EIF4G3: variants seen among roughly 807,000 people sequenced by gnomAD.
The protein encoded by EIF4G3 is eIF-4-gamma 3.
In EIF4G3, 34 loss-of-function variants were observed where a neutral mutation model predicts 186.4. The observed-to-expected ratio is 0.18, with a 90% confidence interval of 0.14 to 0.24. The LOEUF is 0.24. EIF4G3 is among the 10% of genes least tolerant of loss of function. The probability of loss-of-function intolerance (pLI) is 1.00; values close to 1 mark genes in which losing one functional copy is unlikely to be tolerated. For synonymous variants in EIF4G3, 673 were observed against 679.5 expected (o/e 0.99, Z 0.15); for missense variants, 1,536 against 1,948.5 (o/e 0.79, Z 3.99).
chr1:21,091,139 T>C (rs1194821110), intron 2 of EIF4G3, among the ~76,000 whole-genome samples: 1 of 152,106 alleles, frequency 6.6e-6, no homozygotes, highest in Non-Finnish European at 1.5e-5. Context: ...GCTATAGTCT[T>C]CTTTTTTTAA....
chr1:20,861,345 T>C (rs141627252), intron 23 of EIF4G3, among the ~76,000 whole-genome samples: 9 of 151,602 alleles, frequency 5.9e-5, no homozygotes, highest in South Asian at 2.1e-4. Flanking sequence ...CAGAGAAAAG[T>C]AGTAGTAACA....
chr1:21,098,970 T>G (rs940344779), intron 2 of EIF4G3, among the ~76,000 whole-genome samples: 2 of 152,154 alleles, frequency 1.3e-5, no homozygotes, highest in Non-Finnish European at 2.9e-5. Context: ...GAATGACACC[T>G]AATCAAAGAA....
At chr1:20,980,881 A>G (rs547856811) in intron 9 of EIF4G3, among the ~76,000 whole-genome samples, 167 bp downstream of exon 9, 5 of 152,372 alleles carry the variant, frequency 3.3e-5, no homozygotes, top group African/African-American at 4.8e-5. Flanking sequence ...AAATATCTTC[A>G]CACAGCATAA....
At chr1:21,100,874 T>C (rs955324812) in intron 2 of EIF4G3, among the ~76,000 whole-genome samples, 1 of 152,074 alleles carries the variant, frequency 6.6e-6, no homozygotes, top group African/African-American at 2.4e-5. Context: ...AAAAGCAATA[T>C]AGGATCATCC....
At chr1:20,999,968 C>T (rs1273436675) in intron 6 of EIF4G3, among the ~76,000 whole-genome samples, 1 of 152,034 alleles carries the variant, frequency 6.6e-6, no homozygotes, top group Non-Finnish European at 1.5e-5. Flanking sequence ...CCCTTCTGGG[C>T]ACAGTTGGTA....
In EIF4G3 at chr1:21,129,037, G is replaced by A. The variant is rs576098170; in HGVS notation, c.-271-39824C>T. Among the ~76,000 whole-genome samples, 174 of 152,246 alleles carry A rather than the reference G, an allele frequency of 1.1e-3. 1 individual carries two copies. Among genetic ancestry groups the A allele is most frequent in the African/African-American group, 4.0e-3 (166 of 41,552 alleles). On this transcript the variant is annotated intron_variant, in intron 2 of 36. Transcript: ENST00000602326. Reference sequence around the variant, plus strand: ...CGGTTGTAATACAAAAAATCTGGCCGGGCGGGGTAGCTCATGCCTGTAATC... The same window carrying A: ...CGGTTGTAATACAAAAAATCTGGCCAGGCGGGGTAGCTCATGCCTGTAATC...
intron 7 of EIF4G3, among the ~76,000 whole-genome samples, chr1:20,994,311 C>T (rs1456384751): frequency 3.3e-5 from 5 of 152,306 alleles, no homozygotes; most frequent in Non-Finnish European, 7.4e-5. Flanking sequence ...AATGCCGGTT[C>T]AGTTAGCCCT....
At chr1:21,029,255 C>T (rs942326517) in intron 4 of EIF4G3, among the ~76,000 whole-genome samples, 9 of 150,686 alleles carry the variant, frequency 6.0e-5, no homozygotes, top group South Asian at 2.1e-4. Context: ...CCTGGCCTCA[C>T]GTGATCCGCC....
At chr1:20,992,161 T>C (rs2081273915) in intron 7 of EIF4G3, among the ~76,000 whole-genome samples, 1 of 152,172 alleles carries the variant, frequency 6.6e-6, no homozygotes, top group African/African-American at 2.4e-5. Context: ...CACCCATCAC[T>C]CACTTGTACC....
intron 14 of EIF4G3, among the ~76,000 whole-genome samples, chr1:20,927,895 T>C (rs1423552173): frequency 6.6e-6 from 1 of 152,172 alleles, no homozygotes; most frequent in Non-Finnish European, 1.5e-5. Flanking sequence ...TCTTACTCTG[T>C]CACCCAGGCT....
chr1:20,910,776 G>C (rs949895872), intron 14 of EIF4G3, among the ~76,000 whole-genome samples: 2 of 152,134 alleles, frequency 1.3e-5, no homozygotes, highest in African/African-American at 4.8e-5. Flanking sequence ...GGGATTTTTA[G>C]AGAGTAGGTT....
intron 2 of EIF4G3, among the ~76,000 whole-genome samples, chr1:21,141,480 G>GAA (rs1221266065): frequency 8.6e-5 from 6 of 70,000 alleles, no homozygotes; most frequent in Admixed American, 1.4e-4. Context: ...CCTACCAAGA[G>GAA]AAAAAAAAAA....
chr1:21,131,312 C>A (rs1365157115), intron 2 of EIF4G3, among the ~76,000 whole-genome samples: 5 of 121,162 alleles, frequency 4.1e-5, no homozygotes, highest in South Asian at 2.6e-4. Flanking sequence ...CAAACTACAA[C>A]ATAGGGAAGA....
intron 14 of EIF4G3, among the ~76,000 whole-genome samples, chr1:20,928,775 C>A (rs1469888544): frequency 6.6e-6 from 1 of 152,112 alleles, no homozygotes; most frequent in Non-Finnish European, 1.5e-5. Context: ...TAAAACTATA[C>A]AATTTAATGG....
intron 2 of EIF4G3, among the ~76,000 whole-genome samples, chr1:21,096,209 A>C (rs2096365999): frequency 6.6e-6 from 1 of 152,228 alleles, no homozygotes; most frequent in Non-Finnish European, 1.5e-5. Context: ...AATACTATTC[A>C]ACCATAAAAA....
chr1:20,817,551 AG>A lies in EIF4G3; in HGVS notation c.4369-14del. ...TGAAGTCCAACTTCTGAAACATAAAAGGTGGAACATATTAATATATTAATAT... is the reference window on the plus strand; with the variant it reads ...TGAAGTCCAACTTCTGAAACATAAAAGTGGAACATATTAATATATTAATAT... On this transcript the variant is annotated splice_polypyrimidine_tract_variant and intron_variant, in intron 33 of 36. Coordinates refer to ENST00000602326, the MANE Select transcript of EIF4G3 (RefSeq NM_001391906.1). The A allele has an allele frequency of 6.5e-7, 1 of 1,548,172 alleles. No individual in the cohort carries two copies.
intron 12 of EIF4G3, among the ~76,000 whole-genome samples, chr1:20,954,430 G>T (rs2096334951): frequency 6.6e-6 from 1 of 151,462 alleles, no homozygotes; most frequent in African/African-American, 2.4e-5. Context: ...CAGCTACTCG[G>T]GAGGCTGAGG....
chr1:20,826,960 C>T (rs767039359), intron 32 of EIF4G3, among the ~76,000 whole-genome samples: 2 of 152,176 alleles, frequency 1.3e-5, no homozygotes, highest in African/African-American at 2.4e-5. Context: ...TTATGAATAA[C>T]TACCACACAA....
At chr1:20,862,879 AT>A (rs1280032965) in intron 22 of EIF4G3, among the ~76,000 whole-genome samples, 1 of 152,008 alleles carries the variant, frequency 6.6e-6, no homozygotes, top group African/African-American at 2.4e-5. Flanking sequence ...GGCTTAAGTG[AT>A]CCTCCTGCCT....
Sources: allele counts gnomAD v4.1 joint callset (sites outside exome capture counted in the v4.1 genomes callset), GRCh38; gene constraint gnomAD v4.1.1; transcripts MANE v1.5; gene names NCBI Gene and HGNC (gene_info 2026-07-23, HGNC 2026-07-21).